The following ZFHX3 variants were observed in gnomAD, a reference collection of about 807,000 sequenced individuals.
ZFHX3 encodes zinc finger homeobox 3, also known as zinc finger homeobox protein 3.
Under a neutral mutation model 279.1 loss-of-function variants are expected in ZFHX3, and 42 were observed. The ratio of observed to expected loss-of-function variants is 0.15; its 90% CI spans 0.12 to 0.19. The LOEUF (loss-of-function observed/expected upper bound fraction) is 0.19. Ranked by LOEUF, ZFHX3 falls within the 10% of genes least tolerant of loss-of-function variation. The pLI, the probability that ZFHX3 is intolerant of heterozygous loss-of-function variation, is 1.00. For synonymous variants in ZFHX3, 2,293 were observed against 1,957.8 expected, an observed-to-expected ratio of 1.17 and a Z score of -4.52; for missense variants, 4,981 against 4,754.0, an observed-to-expected ratio of 1.05 and a Z score of -1.40.
chr16:73,801,036 A>AT (rs1221058672), intron 1 of ZFHX3, among the ~76,000 whole-genome samples: 2 of 152,212 alleles, frequency 1.3e-5, no homozygotes, highest in Non-Finnish European at 2.9e-5. Flanking sequence ...AACCAACAGC[A>AT]TTGACACTGC....
intron 2 of ZFHX3, among the ~76,000 whole-genome samples, chr16:73,676,347 G>T (rs1371672995): frequency 6.6e-6 from 1 of 151,984 alleles, no homozygotes; most frequent in African/African-American, 2.4e-5. Context: ...AATGTATGTT[G>T]CAGGGTGGGG....
chr16:73,053,923 C>T (rs1255343774), intron 1 of ZFHX3, among the ~76,000 whole-genome samples: 1 of 152,052 alleles, frequency 6.6e-6, no homozygotes, highest in African/African-American at 2.4e-5. Flanking sequence ...CTTTTGTGTA[C>T]ACAAGAAAAC....
intron 2 of ZFHX3, among the ~76,000 whole-genome samples, chr16:73,456,808 A>T (rs566444396): frequency 3.3e-5 from 5 of 152,388 alleles, no homozygotes; most frequent in African/African-American, 9.6e-5. Context: ...ACACAGAATT[A>T]CTAAGCATCA....
chr16:73,114,214 G>A (rs1966408477), intron 7 of ZFHX3, among the ~76,000 whole-genome samples: 5 of 151,842 alleles, frequency 3.3e-5, no homozygotes, highest in Admixed American at 3.3e-4. Context: ...ATGAGCCACC[G>A]TGTCTGGCTG....
At chr16:72,791,092 C>T (rs1419550638) in intron 9 of ZFHX3, 1 of 152,184 alleles carries the variant, frequency 6.6e-6, no homozygotes. Context: ...CTTACTCCTA[C>T]AAATCTGGAG....
At chr16:73,590,570 C>T (rs2380347) in intron 2 of ZFHX3, among the ~76,000 whole-genome samples, 144,650 of 152,332 alleles carry the variant, frequency 0.95, 68,814 homozygotes, top group East Asian at 0.98. Flanking sequence ...AGTAACATTT[C>T]TGATGACACT....
At chr16:72,887,888 C>T (rs1024811168) in intron 4 of ZFHX3, among the ~76,000 whole-genome samples, 2 of 151,650 alleles carry the variant, frequency 1.3e-5, no homozygotes, top group African/African-American at 2.4e-5. Context: ...CGCGCACGTG[C>T]GAGAACGTGT....
At chr16:73,890,472 G>A (rs900469132) in intron 1 of ZFHX3, among the ~76,000 whole-genome samples, 4 of 152,216 alleles carry the variant, frequency 2.6e-5, no homozygotes, top group Non-Finnish European at 4.4e-5. Context: ...GAATGTCAGA[G>A]ATGAAATTGC....
rs1362871895 is a variant in ZFHX3, at chr16:73,659,222, T to C, written c.-1547+20958A>G. On this transcript the variant is annotated intron_variant, in intron 2 of 17. Coordinates refer to the ZFHX3 transcript ENST00000641206. ...AAAACCGAGCATCACATTTGGCCAA[T>C]TGGCCCTTATGACAGGCAGGGATTC... Among the ~76,000 whole-genome samples the C allele has an allele frequency of 3.3e-5, 5 of 152,118 alleles. No homozygotes were observed. The East Asian group carries it at 5.8e-4, about 18-fold the overall frequency.
intron 4 of ZFHX3, among the ~76,000 whole-genome samples, chr16:72,886,598 A>G (rs2038627851): frequency 6.6e-6 from 1 of 152,212 alleles, no homozygotes; most frequent in South Asian, 2.1e-4. Flanking sequence ...AAAGAATTGA[A>G]GGGTGAAATG....
rs2143300724 is a variant in ZFHX3 at position 72,788,358 on chromosome 16, C to T, written c.9918G>A (p.Gln3306=). The T allele has an allele frequency of 6.2e-7, 1 of 1,614,184 alleles. No homozygotes were observed. The highest frequency in any genetic ancestry group is 8.5e-7 in the Non-Finnish European group (1 of 1,180,034). Reference sequence around the variant, plus strand: ...AGCCTGGTACAAAGTAAGGAAGGAACTGGCTTGTGAGCAATGCTGTGGGGT... The same window carrying T: ...AGCCTGGTACAAAGTAAGGAAGGAATTGGCTTGTGAGCAATGCTGTGGGGT... ...TSDPTALLTS[Q]FLPYFVPGFS... is the part of the protein sequence containing the mutation. The change falls in exon 10 of 10, where the codon CAG becomes CAA. Residue 3306 remains glutamine, a synonymous_variant. Transcript: ENST00000268489.
chr16:72,855,979 A>C (rs1378020370), intron 4 of ZFHX3, among the ~76,000 whole-genome samples: 1 of 152,256 alleles, frequency 6.6e-6, no homozygotes, highest in East Asian at 1.9e-4. Context: ...GAGAACACCA[A>C]GCACAGAGGT....
chr16:72,983,322 G>C (rs934601040), intron 1 of ZFHX3, among the ~76,000 whole-genome samples: 1 of 152,190 alleles, frequency 6.6e-6, no homozygotes, highest in African/African-American at 2.4e-5. Context: ...GAGGAAGGGT[G>C]GGGGCAGAGT....
intron 2 of ZFHX3, among the ~76,000 whole-genome samples, chr16:73,478,304 A>G (rs916707491): frequency 2.0e-5 from 3 of 148,998 alleles, no homozygotes; most frequent in Non-Finnish European, 3.0e-5. Context: ...TAGGTACTAA[A>G]AGCCATATGA....
chr16:73,404,925 C>T (rs1438945963), intron 3 of ZFHX3, among the ~76,000 whole-genome samples: 1 of 152,192 alleles, frequency 6.6e-6, no homozygotes, highest in Non-Finnish European at 1.5e-5. Flanking sequence ...GCAGACTGCC[C>T]AACCTCCAAG....
chr16:73,830,391 G>C (rs950321193), intron 1 of ZFHX3, among the ~76,000 whole-genome samples: 3 of 151,966 alleles, frequency 2.0e-5, no homozygotes, highest in African/African-American at 4.8e-5. Context: ...GGGAGCTGTA[G>C]ACCGGAGCTG....
At chr16:72,941,565 G>A (rs891809434) in intron 3 of ZFHX3, among the ~76,000 whole-genome samples, 6 of 152,130 alleles carry the variant, frequency 3.9e-5, no homozygotes, top group African/African-American at 1.4e-4. Context: ...TTGCTTATCT[G>A]AAATTTACGT....
chr16:73,122,462 C>T (rs754898403), intron 7 of ZFHX3, among the ~76,000 whole-genome samples: 10 of 152,060 alleles, frequency 6.6e-5, no homozygotes, highest in Non-Finnish European at 1.3e-4. Flanking sequence ...CTGCCTTGGC[C>T]TCTCAAAATG....
At chr16:73,425,985 CT>C (rs2017803246) in intron 3 of ZFHX3, among the ~76,000 whole-genome samples, 1 of 152,182 alleles carries the variant, frequency 6.6e-6, no homozygotes, top group East Asian at 1.9e-4. Flanking sequence ...CGGTGATCCT[CT>C]TTTTTTCACT....
Sources: allele counts gnomAD v4.1 joint callset (sites outside exome capture counted in the v4.1 genomes callset), GRCh38; gene constraint gnomAD v4.1.1; transcripts MANE v1.5; gene names NCBI Gene and HGNC (gene_info 2026-07-23, HGNC 2026-07-21).